Variants in EPB41L4A observed in about 807,000 individuals in gnomAD.
EPB41L4A encodes erythrocyte membrane protein band 4.1 like 4A, also known as band 4.1-like protein 4A.
Under a neutral mutation model 108.6 loss-of-function variants are expected in EPB41L4A, and 100 were observed. The observed-to-expected ratio is 0.92, with a 90% confidence interval of 0.78 to 1.09. The LOEUF (loss-of-function observed/expected upper bound fraction) is 1.09. Ranked by LOEUF, EPB41L4A falls within the 50% of genes least tolerant of loss-of-function variation. The pLI is 0.00. For synonymous variants in EPB41L4A, 319 were observed against 289.0 expected (o/e 1.10, Z -1.05); for missense variants, 1,030 against 842.7 (o/e 1.22, Z -2.75).
At chr5:112,373,266 G>C (rs6891504) in intron 1 of EPB41L4A, among the ~76,000 whole-genome samples, 55 of 152,288 alleles carry the variant, frequency 3.6e-4, no homozygotes, top group African/African-American at 1.3e-3. Flanking sequence ...GAAGGGTTAA[G>C]AGCTGACAGA....
chr5:112,268,842 CAAAAAAAAAA>C (rs34983995), intron 4 of EPB41L4A, among the ~76,000 whole-genome samples: 4 of 55,894 alleles, frequency 7.2e-5, no homozygotes, highest in South Asian at 1.3e-3. Context: ...GACCTTCTCT[CAAAAAAAAAA>C]AAAAAAAAAA....
chr5:112,262,143 C>T (rs761608318), intron 7 of EPB41L4A, among the ~76,000 whole-genome samples: 1 of 152,176 alleles, frequency 6.6e-6, no homozygotes, highest in African/African-American at 2.4e-5. Flanking sequence ...CCACCCACCT[C>T]TGCCTCCCCA....
chr5:112,328,784 G>C (rs1327824384), intron 1 of EPB41L4A, among the ~76,000 whole-genome samples: 1 of 152,070 alleles, frequency 6.6e-6, no homozygotes, highest in Non-Finnish European at 1.5e-5. Flanking sequence ...TGCATTTTTT[G>C]GTTAGTTGAT....
chr5:112,380,266 A>C, intron 1 of EPB41L4A, among the ~76,000 whole-genome samples: 1 of 152,238 alleles, frequency 6.6e-6, no homozygotes, highest in Non-Finnish European at 1.5e-5. Context: ...CAGAGAGAAA[A>C]GCATACAAAG....
intron 9 of EPB41L4A, among the ~76,000 whole-genome samples, chr5:112,241,173 G>A (rs191879479): frequency 2.6e-5 from 4 of 152,116 alleles, no homozygotes; most frequent in Admixed American, 2.6e-4. Flanking sequence ...AAAAAAAGAT[G>A]CCCACAAATC....
At chr5:112,300,209 G>T (rs904520934) in intron 2 of EPB41L4A, among the ~76,000 whole-genome samples, 1 of 148,330 alleles carries the variant, frequency 6.7e-6, no homozygotes, top group East Asian at 1.9e-4. Context: ...TGTATACCTT[G>T]TTTTTTCTTA....
intron 4 of EPB41L4A, among the ~76,000 whole-genome samples, chr5:112,272,924 C>G (rs1416497514): frequency 6.6e-6 from 1 of 151,862 alleles, no homozygotes. Flanking sequence ...CAAAAAATTA[C>G]AGACAACCTA....
At chr5:112,161,991 C>T (rs185966620), downstream of EPB41L4A, 3 of 154,766 alleles carry the variant, frequency 1.9e-5, no homozygotes, top group Non-Finnish European at 4.3e-5. Context: ...AATAAATACG[C>T]ATAGTACTGG....
At chr5:112,351,356 T>C (rs7731169) in intron 1 of EPB41L4A, among the ~76,000 whole-genome samples, 91,422 of 151,948 alleles carry the variant, frequency 0.6, 28,796 homozygotes, top group South Asian at 0.78. Flanking sequence ...GCTAACAAAC[T>C]GGAAAACCTA....
intron 4 of EPB41L4A, among the ~76,000 whole-genome samples, chr5:112,271,539 T>C (rs999216998): frequency 6.6e-6 from 1 of 152,222 alleles, no homozygotes; most frequent in African/African-American, 2.4e-5. Context: ...AACTAGTGAA[T>C]GACAAAGCAA....
intron 1 of EPB41L4A, among the ~76,000 whole-genome samples, chr5:112,411,583 A>G (rs1054963784): frequency 4.3e-4 from 65 of 152,180 alleles, no homozygotes; most frequent in African/African-American, 1.4e-3. Flanking sequence ...TATGAGGCAG[A>G]TATCATGCCC....
chr5:112,338,587 T>C (rs1242456019), intron 1 of EPB41L4A, among the ~76,000 whole-genome samples: 2 of 141,442 alleles, frequency 1.4e-5, no homozygotes, highest in Non-Finnish European at 3.0e-5. Context: ...CCAGCGTATA[T>C]AAAAAAGAAC....
intron 2 of EPB41L4A, 145 bp from the exon 3 acceptor site, chr5:112,280,468 A>G (rs534509327): frequency 1.6e-4 from 117 of 713,412 alleles, no homozygotes; most frequent in Non-Finnish European, 2.5e-4. Flanking sequence ...ACAAACATAC[A>G]TAAGAGTTTT....
intron 17 of EPB41L4A, among the ~76,000 whole-genome samples, chr5:112,194,343 C>A (rs531814812): frequency 1.3e-5 from 2 of 152,122 alleles, no homozygotes; most frequent in African/African-American, 4.8e-5. Flanking sequence ...CACACACACA[C>A]ACAAGAAGGG....
At chr5:112,371,678 T>C (rs1472397199) in intron 1 of EPB41L4A, among the ~76,000 whole-genome samples, 1 of 152,144 alleles carries the variant, frequency 6.6e-6, no homozygotes, top group Admixed American at 6.5e-5. Context: ...TGCTAAAAGA[T>C]GACTATAAAC....
intron 17 of EPB41L4A, among the ~76,000 whole-genome samples, chr5:112,188,389 T>C (rs1047846800): frequency 6.6e-6 from 1 of 152,170 alleles, no homozygotes; most frequent in Non-Finnish European, 1.5e-5. Flanking sequence ...CTTCCACTTA[T>C]TCCTTACGTG....
chr5:112,321,849 C>A (rs937154814), intron 1 of EPB41L4A, among the ~76,000 whole-genome samples: 12 of 152,184 alleles, frequency 7.9e-5, no homozygotes, highest in African/African-American at 2.9e-4. Flanking sequence ...AAAGCAGCCC[C>A]ATGATGTGGC....
At chr5:112,417,831 C>T (rs1032978975) in intron 1 of EPB41L4A, among the ~76,000 whole-genome samples, 7 of 152,176 alleles carry the variant, frequency 4.6e-5, no homozygotes, top group Non-Finnish European at 1.0e-4. Context: ...ACCTATGAAA[C>T]TGGAATTCTG....
At chr5:112,259,103 G>A (rs549149399) in intron 9 of EPB41L4A, 126 bp downstream of exon 9, 1 of 717,932 alleles carries the variant, frequency 1.4e-6, no homozygotes, top group African/African-American at 1.8e-5. Context: ...TTGTGCATGT[G>A]AGTTAATTAA....
Sources: gnomAD v4.1 joint callset for allele counts (sites outside exome capture counted in the v4.1 genomes callset) on GRCh38, gnomAD v4.1.1 for gene constraint, MANE v1.5 for transcripts, NCBI Gene and HGNC (gene_info 2026-07-23, HGNC 2026-07-21) for gene names.